The following SNX29 variants were observed in gnomAD, a reference collection of about 807,000 sequenced individuals.
SNX29 encodes the protein sorting nexin 29.
SNX29 carries 78 observed loss-of-function variants against 102.1 expected under a neutral mutation model. The ratio of observed to expected loss-of-function variants is 0.76; its 90% CI spans 0.64 to 0.92. The LOEUF is 0.92. Among genes scored for constraint, SNX29 ranks in the 40% least tolerant of loss-of-function variants. SNX29 has a pLI of 0.00. For synonymous variants in SNX29, 580 were observed against 414.5 expected (o/e 1.40, Z -4.85); for missense variants, 1,280 against 1,061.7 (o/e 1.21, Z -2.86).
intron 15 of SNX29, among the ~76,000 whole-genome samples, chr16:12,313,057 C>T (rs957902453): frequency 6.6e-6 from 1 of 151,868 alleles, no homozygotes; most frequent in Admixed American, 6.6e-5. Context: ...CTCTGTCACC[C>T]AGGGTGGAGT....
chr16:12,071,828 G>T (rs1006551128), intron 10 of SNX29, among the ~76,000 whole-genome samples: 3 of 152,152 alleles, frequency 2.0e-5, no homozygotes. Flanking sequence ...CCATTCGTTT[G>T]TATACTCTTT....
rs552161787 is a variant in SNX29, at chr16:12,139,380, T to C, written c.1595+9622T>C. 2.0e-5 allele frequency among the ~76,000 whole-genome samples: 3 copies of C among 152,242 alleles called. No homozygotes were observed. In the South Asian group the frequency reaches 6.2e-4, roughly 32 times the overall value. On this transcript the variant is annotated intron_variant, in intron 13 of 20. Coordinates refer to ENST00000566228, the MANE Select transcript of SNX29 (RefSeq NM_032167.5). ...GCACTGCCTGTCTTCCCTTTTAGAC[T>C]GTGCGATCCATGAGGGCAGTGGCCC...
chr16:12,225,598 T>G (rs2077589236), intron 14 of SNX29, among the ~76,000 whole-genome samples: 1 of 152,196 alleles, frequency 6.6e-6, no homozygotes, highest in Non-Finnish European at 1.5e-5. Flanking sequence ...TTTTGTAAGT[T>G]GCCCAGTCTT....
intron 13 of SNX29, among the ~76,000 whole-genome samples, chr16:12,187,001 G>A (rs2076526909): frequency 6.6e-6 from 1 of 152,232 alleles, no homozygotes; most frequent in Admixed American, 6.5e-5. Flanking sequence ...TGGCACTTGA[G>A]ATGTTTGAAA....
intron 18 of SNX29, among the ~76,000 whole-genome samples, chr16:12,407,233 T>C (rs917571518): frequency 6.6e-6 from 1 of 152,196 alleles, no homozygotes; most frequent in East Asian, 1.9e-4. Flanking sequence ...TGTGTCACTC[T>C]CTTACCTCTC....
chr16:12,535,397 A>T (rs531733456), intron 20 of SNX29, among the ~76,000 whole-genome samples: 1 of 152,140 alleles, frequency 6.6e-6, no homozygotes, highest in African/African-American at 2.4e-5. Flanking sequence ...CGGCCTCCCA[A>T]AGTGCTGGGA....
chr16:12,563,965 C>A (rs974808706), intron 20 of SNX29, among the ~76,000 whole-genome samples: 1 of 151,032 alleles, frequency 6.6e-6, no homozygotes, highest in African/African-American at 2.5e-5. Context: ...CGAGGAAGGG[C>A]TTTTCAGATA....
rs1396033541 is a variant in SNX29 at position 12,572,981 on chromosome 16, C to CATTA, written c.*4356_*4359dup. The CATTA allele has an allele frequency of 2.4e-6, 1 of 415,610 alleles. No individual in the cohort carries two copies. Among genetic ancestry groups the CATTA allele is most frequent in the African/African-American group, 2.1e-5 (1 of 48,468 alleles). The allele number at this position is 415,610 out of a possible 1,614,324, so 25.7% of individuals were successfully genotyped here. On this transcript the variant is annotated 3_prime_UTR_variant, in exon 21 of 21. Coordinates refer to ENST00000566228, the MANE Select transcript of SNX29 (RefSeq NM_032167.5). ...GTCAAAGATTTTTCAAAATATTGTGCATTAATTCATTAAAGCTACTGTTAA... is the reference window on the plus strand; with the variant it reads ...GTCAAAGATTTTTCAAAATATTGTGCATTAATTAATTCATTAAAGCTACTGTTAA...
At chr16:12,438,413 T>TC (rs1302754735) in intron 18 of SNX29, among the ~76,000 whole-genome samples, 1 of 152,210 alleles carries the variant, frequency 6.6e-6, no homozygotes, top group East Asian at 1.9e-4. Context: ...AGTTTACCTC[T>TC]CCCCTTCTTC....
chr16:11,986,852 G>T (rs959171798), intron 1 of SNX29, among the ~76,000 whole-genome samples: 2 of 152,152 alleles, frequency 1.3e-5, no homozygotes, highest in Admixed American at 6.6e-5. Flanking sequence ...GTGAAAGGAC[G>T]TGGCTGTGTT....
chr16:12,284,468 C>T (rs779892738), intron 15 of SNX29, among the ~76,000 whole-genome samples: 7 of 152,196 alleles, frequency 4.6e-5, no homozygotes, highest in African/African-American at 9.7e-5. Flanking sequence ...TCCACCATAG[C>T]GTGCTGTCTG....
At chr16:12,370,202 A>G (rs2151377472) in intron 16 of SNX29, among the ~76,000 whole-genome samples, 1 of 152,302 alleles carries the variant, frequency 6.6e-6, no homozygotes, top group Non-Finnish European at 1.5e-5. Context: ...AGCCTGAGAG[A>G]CAGAGCAAGA....
chr16:12,529,536 C>T (rs923506414), intron 20 of SNX29, among the ~76,000 whole-genome samples: 3 of 152,120 alleles, frequency 2.0e-5, no homozygotes, highest in Admixed American at 6.5e-5. Context: ...AGTAATTTAA[C>T]TTTGGGAAAT....
chr16:12,484,207 G>T (rs543961661), intron 19 of SNX29, among the ~76,000 whole-genome samples: 2 of 151,990 alleles, frequency 1.3e-5, no homozygotes, highest in Non-Finnish European at 1.5e-5. Flanking sequence ...GGAGTGTAGC[G>T]GTGCGATCAT....
intron 3 of SNX29, among the ~76,000 whole-genome samples, chr16:12,007,981 T>C (rs1172606277): frequency 6.6e-6 from 1 of 152,306 alleles, no homozygotes; most frequent in Non-Finnish European, 1.5e-5. Context: ...TCTCGCTCTG[T>C]CACCCAGGCC....
intron 13 of SNX29, among the ~76,000 whole-genome samples, chr16:12,176,660 T>A (rs1022631643): frequency 6.6e-6 from 1 of 152,204 alleles, no homozygotes; most frequent in South Asian, 2.1e-4. Flanking sequence ...ACTGTGCCAT[T>A]TCATATAAGG....
At chr16:12,293,713 A>C (rs969658351) in intron 15 of SNX29, among the ~76,000 whole-genome samples, 3 of 152,200 alleles carry the variant, frequency 2.0e-5, no homozygotes, top group African/African-American at 7.2e-5. Flanking sequence ...CTTTGGGGGA[A>C]TATTTGAACA....
chr16:12,013,506 T>TATATATATATAA (rs2056742442), intron 3 of SNX29, among the ~76,000 whole-genome samples: 1 of 26,224 alleles, frequency 3.8e-5, no homozygotes, highest in East Asian at 1.2e-3. Flanking sequence ...AAAAAATATA[T>TATATATATATAA]ATATATATAT....
intron 20 of SNX29, among the ~76,000 whole-genome samples, chr16:12,545,247 G>C (rs1237564267): frequency 2.6e-5 from 4 of 152,234 alleles, no homozygotes; most frequent in South Asian, 2.1e-4. Context: ...CTGTTCTCAA[G>C]TGGCTCCAAA....
Sources: gnomAD v4.1 joint callset for allele counts (sites outside exome capture counted in the v4.1 genomes callset) on GRCh38, gnomAD v4.1.1 for gene constraint, MANE v1.5 for transcripts, NCBI Gene and HGNC (gene_info 2026-07-23, HGNC 2026-07-21) for gene names.